Variants in NT5C3A observed in about 807,000 individuals in gnomAD.
NT5C3A encodes 5'-nucleotidase, cytosolic IIIA.
A neutral mutation model predicts 40.0 loss-of-function variants in NT5C3A; 23 were observed. The observed-to-expected ratio is 0.58, with a 90% confidence interval of 0.41 to 0.81. NT5C3A has a LOEUF of 0.81. NT5C3A is among the 40% of genes least tolerant of loss of function. The pLI is 0.00. For synonymous variants in NT5C3A, 130 were observed against 141.4 expected, an observed-to-expected ratio of 0.92 and a Z score of 0.57; for missense variants, 328 against 403.0, an observed-to-expected ratio of 0.81 and a Z score of 1.59.
At chr7:33,039,157 A>G (rs1281943666) in intron 1 of NT5C3A, among the ~76,000 whole-genome samples, 2 of 152,200 alleles carry the variant, frequency 1.3e-5, no homozygotes, top group Non-Finnish European at 2.9e-5. Context: ...TAGTTATCAC[A>G]GTATTTCATT....
At chr7:33,022,591 T>C (rs928149324) in intron 3 of NT5C3A, among the ~76,000 whole-genome samples, 8 of 152,212 alleles carry the variant, frequency 5.3e-5, no homozygotes, top group South Asian at 2.1e-4. Context: ...TTTAGTATAT[T>C]TCCTTTCAGT....
At chr7:33,033,558 A>G (rs1019454162) in intron 1 of NT5C3A, among the ~76,000 whole-genome samples, 3 of 152,162 alleles carry the variant, frequency 2.0e-5, no homozygotes, top group African/African-American at 7.2e-5. Flanking sequence ...AAAAATAGAA[A>G]CCCAAATAAT....
At chr7:33,020,600 C>T (rs1261989030) in intron 5 of NT5C3A, among the ~76,000 whole-genome samples, 5 of 152,106 alleles carry the variant, frequency 3.3e-5, no homozygotes, top group Non-Finnish European at 7.4e-5. Flanking sequence ...GCAACTGTTA[C>T]GTAACGGGAC....
chr7:33,033,455 T>C (rs1007355154), intron 1 of NT5C3A, among the ~76,000 whole-genome samples: 10 of 152,196 alleles, frequency 6.6e-5, no homozygotes, highest in Non-Finnish European at 1.3e-4. Context: ...CTTCACCACA[T>C]ATTAAGTATA....
intron 1 of NT5C3A, among the ~76,000 whole-genome samples, chr7:33,049,969 C>CAAAAAAA (rs61035673): frequency 1.7e-5 from 1 of 58,472 alleles, no homozygotes; most frequent in South Asian, 5.2e-4. Context: ...GACTCCATCT[C>CAAAAAAA]AAAAAAAAAA....
chr7:33,045,601 A>G (rs1349442965), intron 1 of NT5C3A, among the ~76,000 whole-genome samples: 2 of 151,912 alleles, frequency 1.3e-5, no homozygotes, highest in African/African-American at 4.8e-5. Flanking sequence ...CTGGGACTAC[A>G]GGCGTGCGCC....
intron 1 of NT5C3A, among the ~76,000 whole-genome samples, chr7:33,035,669 T>C (rs1397818763): frequency 3.9e-5 from 6 of 152,238 alleles, no homozygotes; most frequent in Admixed American, 3.3e-4. Context: ...GTGTTATTGC[T>C]GAGCAAAGAA....
At chr7:33,060,322 C>A (rs1204663701) in intron 1 of NT5C3A, among the ~76,000 whole-genome samples, 1 of 149,962 alleles carries the variant, frequency 6.7e-6, no homozygotes, top group African/African-American at 2.5e-5. Context: ...TTACAAAATT[C>A]CTTTACAATT....
chr7:33,046,548 C>CA (rs1787166159), intron 1 of NT5C3A, among the ~76,000 whole-genome samples: 2 of 151,134 alleles, frequency 1.3e-5, no homozygotes, highest in African/African-American at 4.9e-5. Flanking sequence ...AAAAAAATTG[C>CA]AAAAATCTAG....
chr7:33,051,763 T>G (rs1273133458), intron 1 of NT5C3A, among the ~76,000 whole-genome samples: 2 of 152,134 alleles, frequency 1.3e-5, no homozygotes, highest in Non-Finnish European at 2.9e-5. Context: ...TTTAATTGTA[T>G]CAAAACACAT....
At chr7:33,039,141 A>T (rs1786771379) in intron 1 of NT5C3A, among the ~76,000 whole-genome samples, 1 of 152,154 alleles carries the variant, frequency 6.6e-6, no homozygotes, top group Admixed American at 6.5e-5. Context: ...TGATAACTGA[A>T]AACTTTAGTT....
chr7:33,045,772 A>T (rs1787119861), intron 1 of NT5C3A: 1 of 150,598 alleles, frequency 6.6e-6, no homozygotes, highest in Non-Finnish European at 1.5e-5. Context: ...TTTTTTTTTT[A>T]ATTAAAATTT....
chr7:33,025,596 T>A (rs74945684), intron 2 of NT5C3A, among the ~76,000 whole-genome samples: 1,924 of 152,312 alleles, frequency 0.013, 30 homozygotes, highest in African/African-American at 0.04. Flanking sequence ...ACTACTATGA[T>A]TAAAACATGA....
At chr7:33,019,220 C>T (rs1239623091) in intron 6 of NT5C3A, among the ~76,000 whole-genome samples, 4 of 151,288 alleles carry the variant, frequency 2.6e-5, no homozygotes, top group Non-Finnish European at 5.9e-5. Flanking sequence ...TATGTCACTA[C>T]ACTCTAACCT....
rs111708544 is a variant in NT5C3A at position 33,036,082 on chromosome 7, A to C, written c.139-9167T>G. 2.5e-5 allele frequency: 23 copies of C among 934,118 alleles called. 1 individual carries two copies. The highest frequency in any genetic ancestry group is 2.0e-4 in the African/African-American group (12 of 60,914). The allele number at this position is 934,118 out of a possible 1,614,324, so 57.9% of individuals were successfully genotyped here. On this transcript the variant is annotated intron_variant, in intron 1 of 8. Coordinates refer to ENST00000610140, the MANE Select transcript of NT5C3A (RefSeq NM_001002010.5). ...AGGTTCTTCCTGTTATGCCAATAAT[A>C]TATTAAGGTGGAATTTTTGGTATGA...
intron 3 of NT5C3A, among the ~76,000 whole-genome samples, chr7:33,023,447 C>T (rs1056480446): frequency 6.6e-6 from 1 of 151,920 alleles, no homozygotes; most frequent in African/African-American, 2.4e-5. Flanking sequence ...TTAGTAGAGA[C>T]AGGGTTTCAT....
At chr7:33,042,351 A>G (rs532360091) in intron 1 of NT5C3A, among the ~76,000 whole-genome samples, 115 of 151,958 alleles carry the variant, frequency 7.6e-4, no homozygotes, top group African/African-American at 2.7e-3. Context: ...AAACAAAAAA[A>G]CCCCAAAAAA....
chr7:33,017,233 T>C, intron 7 of NT5C3A: 2 of 556,594 alleles, frequency 3.6e-6, no homozygotes, highest in South Asian at 2.6e-5. Flanking sequence ...TATTAGTCTA[T>C]AGCTTGGGGA....
At chr7:33,028,598 T>C (rs1351862704) in intron 1 of NT5C3A, among the ~76,000 whole-genome samples, 1 of 152,210 alleles carries the variant, frequency 6.6e-6, no homozygotes, top group Non-Finnish European at 1.5e-5. Flanking sequence ...ATGTGTGTCA[T>C]GGACATGGTT....
Sources: allele counts gnomAD v4.1 joint callset (sites outside exome capture counted in the v4.1 genomes callset), GRCh38; gene constraint gnomAD v4.1.1; transcripts MANE v1.5; gene names NCBI Gene and HGNC (gene_info 2026-07-23, HGNC 2026-07-21).